Variants in GRSF1 observed in about 807,000 individuals in gnomAD.
The protein encoded by GRSF1 is G-rich RNA sequence binding factor 1, also known as G-rich sequence factor 1.
GRSF1 carries 50 observed loss-of-function variants against 51.1 expected under a neutral mutation model. The observed-to-expected ratio is 0.98, with a 90% CI of 0.78 to 1.24. The LOEUF (loss-of-function observed/expected upper bound fraction) is 1.24, where lower values mean the gene tolerates loss of function less well. GRSF1 is among the 50% of genes most tolerant of loss of function. The pLI is 0.00. For synonymous variants in GRSF1, 293 were observed against 253.3 expected, an observed-to-expected ratio of 1.16 and a Z score of -1.49; for missense variants, 700 against 639.7, an observed-to-expected ratio of 1.09 and a Z score of -1.02.
intron 1 of GRSF1, 58 bp from the exon 2 acceptor site, chr4:70,836,372 A>T: frequency 8.0e-7 from 1 of 1,257,574 alleles, no homozygotes; most frequent in Non-Finnish European, 1.1e-6. Context: ...AAAAATGTAA[A>T]AAAATTCTTA....
rs1296179589 is a variant in GRSF1 at position 70,839,829 on chromosome 4, G to A, written c.-2C>T. On this transcript the variant is annotated 5_prime_UTR_variant, in exon 1 of 10. Transcript: ENST00000254799. ...GAGTACCCAGCGCGTGCCGGCCATG[G>A]ACTCCGGAGGCGGCGCAGGGCCTGA... The A allele has an allele frequency of 1.9e-5, 28 of 1,492,906 alleles. No individual in the cohort carries two copies. The East Asian group carries it at 5.6e-4, about 30-fold the overall frequency. 92.5% of individuals were successfully genotyped at this position (1,492,906 alleles called of 1,614,324 possible). A position where few individuals can be genotyped will look rare whatever the true frequency, so the allele number is the denominator to read the frequency against.
At chr4:70,821,209 C>CTA (rs1454870438) in intron 9 of GRSF1, among the ~76,000 whole-genome samples, 1 of 152,080 alleles carries the variant, frequency 6.6e-6, no homozygotes, top group Non-Finnish European at 1.5e-5. Context: ...GGCAGATCAG[C>CTA]TGAGGTCAGG....
chr4:70,824,454 C>T (rs1578294551), intron 8 of GRSF1, 86 bp from the exon 9 acceptor site: 2 of 729,326 alleles, frequency 2.7e-6, no homozygotes, highest in Non-Finnish European at 4.9e-6. Flanking sequence ...CAGACAGCAA[C>T]TCAAACCCTT....
chr4:70,827,300 A>AG (rs1733775334), intron 6 of GRSF1, among the ~76,000 whole-genome samples: 2 of 150,684 alleles, frequency 1.3e-5, no homozygotes, highest in Admixed American at 1.3e-4. Context: ...AAAAAAAAAA[A>AG]TCCTTACTTC....
At chr4:70,830,502 T>C (rs1460676241) in intron 5 of GRSF1, among the ~76,000 whole-genome samples, 9 of 150,256 alleles carry the variant, frequency 6.0e-5, no homozygotes, top group Admixed American at 1.3e-4. Flanking sequence ...AACAATCAAA[T>C]GCAGTGTGTA....
chr4:70,825,069 T>G (rs1560594690), intron 8 of GRSF1, among the ~76,000 whole-genome samples: 2 of 152,068 alleles, frequency 1.3e-5, no homozygotes, highest in East Asian at 1.9e-4. Flanking sequence ...ACCGCTGCAC[T>G]CCAGCGTGGG....
chr4:70,822,407 AC>A (rs1185610749), intron 9 of GRSF1, among the ~76,000 whole-genome samples: 1 of 151,710 alleles, frequency 6.6e-6, no homozygotes, highest in Non-Finnish European at 1.5e-5. Context: ...ACATGGTGAA[AC>A]CCCGTCTCTA....
At chr4:70,823,608 T>C (rs1222856714) in intron 9 of GRSF1, among the ~76,000 whole-genome samples, 1 of 150,768 alleles carries the variant, frequency 6.6e-6, no homozygotes, top group Admixed American at 6.6e-5. Flanking sequence ...GGTGGCTCAC[T>C]CTTGTAATTC....
At chr4:70,823,402 AAAATAAAT>A (rs993698881) in intron 9 of GRSF1, among the ~76,000 whole-genome samples, 1 of 152,012 alleles carries the variant, frequency 6.6e-6, no homozygotes, top group Admixed American at 6.6e-5. Context: ...CATCTCACAA[AAAATAAAT>A]AAATAAATAA....
Position 70,825,609 on chromosome 4 carries a change from T to C in GRSF1, c.1258-178A>G, listed in dbSNP as rs755351964. 9.2e-4 allele frequency: 389 copies of C among 424,984 alleles called. 3 individuals are homozygous for C. The highest frequency in any genetic ancestry group is 4.9e-4 in the Non-Finnish European group (121 of 247,054). The allele number at this position is 424,984 out of a possible 1,614,324, so 26.3% of individuals were successfully genotyped here. A position where few individuals can be genotyped will look rare whatever the true frequency, so the allele number is the denominator to read the frequency against. ...TCTAGTATGTCTTCTGGCTTTTTAC[T>C]TTTTCTCAGAACTCAAAGTGACATT... On this transcript the variant is annotated intron_variant, in intron 7 of 9. Transcript: ENST00000254799.
In GRSF1 at chr4:70,839,562, G is replaced by A. The variant is rs1378681204; in HGVS notation, c.266C>T (p.Ala89Val). The A allele has an allele frequency of 2.8e-6, 4 of 1,421,988 alleles. No homozygotes were observed. Among genetic ancestry groups the A allele is most frequent in the South Asian group, 1.4e-5 (1 of 70,310 alleles). The allele number at this position is 1,421,988 out of a possible 1,614,324, so 88.1% of individuals were successfully genotyped here. A position where few individuals can be genotyped will look rare whatever the true frequency, so the allele number is the denominator to read the frequency against. The change falls in exon 1 of 10, where the codon GCG (alanine) becomes GTG (valine). Residue 89 changes from alanine to valine, a missense_variant. Ala to Val is a moderately conservative substitution (Grantham distance 64). Coordinates refer to ENST00000254799, the MANE Select transcript of GRSF1 (RefSeq NM_002092.4). ...PPAVATSAAA[A>V]AAASYSALRA... ...GAGGGCAGAGTAGGACGCGGCGGCC[G>A]CGGCCGCGGCAGAGGTGGCCACAGC...
At chr4:70,834,216 G>T (rs921675427) in intron 2 of GRSF1, among the ~76,000 whole-genome samples, 1 of 151,898 alleles carries the variant, frequency 6.6e-6, no homozygotes, top group Non-Finnish European at 1.5e-5. Context: ...CCGAGATTGC[G>T]CTACTGCACT....
At chr4:70,829,166 T>C (rs1047742593) in intron 5 of GRSF1, among the ~76,000 whole-genome samples, 4 of 151,990 alleles carry the variant, frequency 2.6e-5, no homozygotes, top group Admixed American at 6.6e-5. Context: ...GCTGGGATTA[T>C]AGGCATGGGC....
chr4:70,827,496 ATCTTT>A (rs1733782576), intron 6 of GRSF1, among the ~76,000 whole-genome samples: 3 of 152,090 alleles, frequency 2.0e-5, no homozygotes, highest in African/African-American at 7.2e-5. Context: ...GTCCTATTAA[ATCTTT>A]AGGCCGGGTG....
upstream of GRSF1, among the ~76,000 whole-genome samples, chr4:70,840,811 G>T (rs1734435116): frequency 6.6e-6 from 1 of 152,066 alleles, no homozygotes; most frequent in African/African-American, 2.4e-5. Flanking sequence ...GCTCTGGGTA[G>T]GGCCGAGAGC....
intron 9 of GRSF1, among the ~76,000 whole-genome samples, chr4:70,822,708 G>C (rs759300412): frequency 2.6e-5 from 4 of 152,016 alleles, no homozygotes; most frequent in Non-Finnish European, 5.9e-5. Flanking sequence ...AGCTACTAAA[G>C]GTGGCTATTT....
rs1008515349 is a variant in GRSF1 at position 70,820,250 on chromosome 4, A to G, written c.*637T>C. 2.6e-5 allele frequency: 4 copies of G among 152,676 alleles called. No homozygotes were observed. Among genetic ancestry groups the G allele is most frequent in the Non-Finnish European group, 4.4e-5 (3 of 68,054 alleles). The allele number at this position is 152,676 out of a possible 1,614,324, so 9.5% of individuals were successfully genotyped here. ...TATACGCCTTTAGCACAAGGCTTAG[A>G]AAGGCAAAACATTTCTAAAGACATA... On this transcript the variant is annotated 3_prime_UTR_variant, in exon 10 of 10. Transcript: ENST00000254799.
rs145091910 is a variant in GRSF1, at chr4:70,832,232, C to T, written c.814+75G>A. On this transcript the variant is annotated intron_variant, in intron 4 of 9. Coordinates refer to ENST00000254799, the MANE Select transcript of GRSF1 (RefSeq NM_002092.4). ...CTGCATGCCTTTGCCCAGAAACAGG[C>T]TCATCTAAGATATAGAAGGAGATAC... 1,226 of 1,243,404 alleles carry T rather than the reference C, an allele frequency of 9.9e-4. 21 individuals carry two copies. The African/African-American group carries it at 0.016, about 16-fold the overall frequency. 77.0% of individuals were successfully genotyped at this position (1,243,404 alleles called of 1,614,324 possible).
chr4:70,831,472 T>G, intron 5 of GRSF1, 67 bp downstream of exon 5: 7 of 1,399,604 alleles, frequency 5.0e-6, no homozygotes, highest in Non-Finnish European at 6.0e-6. Context: ...TCAGTCATAT[T>G]ACAGCACATT....
Sources: allele counts gnomAD v4.1 joint callset (sites outside exome capture counted in the v4.1 genomes callset), GRCh38; gene constraint gnomAD v4.1.1; transcripts MANE v1.5; gene names NCBI Gene and HGNC (gene_info 2026-07-23, HGNC 2026-07-21).